The following KSR2 variants were observed in gnomAD, a reference collection of about 807,000 sequenced individuals.
KSR2 encodes the protein kinase suppressor of ras 2.
Under a neutral mutation model 107.8 loss-of-function variants are expected in KSR2, and 25 were observed. The observed-to-expected ratio is 0.23, with a 90% confidence interval of 0.17 to 0.32. The LOEUF (loss-of-function observed/expected upper bound fraction) is 0.32. Among genes scored for constraint, KSR2 ranks in the 10% least tolerant of loss-of-function variants. The pLI is 1.00. For synonymous variants in KSR2, 480 were observed against 507.0 expected, an observed-to-expected ratio of 0.95 and a Z score of 0.71; for missense variants, 887 against 1,268.9, an observed-to-expected ratio of 0.70 and a Z score of 4.57.
chr12:117,937,681 A>G (rs7973260), intron 1 of KSR2, among the ~76,000 whole-genome samples: 124,877 of 151,578 alleles, frequency 0.82, 51,533 homozygotes, highest in African/African-American at 0.87. Context: ...AGCCTGAGCC[A>G]GGCACAGTGG....
At chr12:117,622,509 GT>G (rs913129988) in intron 5 of KSR2, among the ~76,000 whole-genome samples, 19 of 149,578 alleles carry the variant, frequency 1.3e-4, no homozygotes, top group South Asian at 6.3e-4. Flanking sequence ...AGTTATCAAG[GT>G]TTTTTTTTTC....
At chr12:117,625,812 G>C (rs191266327) in intron 5 of KSR2, among the ~76,000 whole-genome samples, 7 of 152,270 alleles carry the variant, frequency 4.6e-5, no homozygotes, top group African/African-American at 1.7e-4. Flanking sequence ...AGCAGAATTT[G>C]GCTGTGAATC....
intron 10 of KSR2, among the ~76,000 whole-genome samples, chr12:117,539,017 G>C (rs1474003306): frequency 6.6e-6 from 1 of 152,184 alleles, no homozygotes; most frequent in African/African-American, 2.4e-5. Flanking sequence ...TGACAAAGGA[G>C]GTCAGGAAAC....
At chr12:117,534,527 T>C (rs1245698420) in intron 10 of KSR2, among the ~76,000 whole-genome samples, 3 of 152,156 alleles carry the variant, frequency 2.0e-5, no homozygotes, top group Non-Finnish European at 1.5e-5. Context: ...TCTATAATCC[T>C]ATTTTCATGC....
At position 117,484,413 on chromosome 12, in the gene KSR2, C is replaced by T. The variant is rs778352742; in HGVS notation, c.2450+3G>A. On this transcript the variant is annotated splice_donor_region_variant and intron_variant, in intron 16 of 19. Coordinates refer to ENST00000339824, the MANE Select transcript of KSR2 (RefSeq NM_173598.6). ...CTCTCCGGGTCTTCCCACTGCCTCT[C>T]ACCTGCCAGCCTGCAGCACCCCAGA... The T allele has an allele frequency of 1.2e-6, 2 of 1,613,850 alleles. No individual in the cohort carries two copies. The highest frequency in any genetic ancestry group is 8.5e-7 in the Non-Finnish European group (1 of 1,179,804).
chr12:117,924,572 C>CAAAAAAAAAAAAAAAAAAAAAAAA (rs58789868), intron 1 of KSR2, among the ~76,000 whole-genome samples: 24 of 39,494 alleles, frequency 6.1e-4, no homozygotes, highest in Non-Finnish European at 1.0e-3. Flanking sequence ...AGCTCCATCT[C>CAAAAAAAAAAAAAAAAAAAAAAAA]AAAAAAAAAA....
At chr12:117,873,503 C>T (rs1244891392) in intron 1 of KSR2, among the ~76,000 whole-genome samples, 1 of 141,108 alleles carries the variant, frequency 7.1e-6, no homozygotes, top group Non-Finnish European at 1.5e-5. Flanking sequence ...CTCTGTTGCC[C>T]AGGATGGAGT....
chr12:117,543,929 G>A (rs2137297504), intron 9 of KSR2, among the ~76,000 whole-genome samples: 1 of 152,238 alleles, frequency 6.6e-6, no homozygotes, highest in South Asian at 2.1e-4. Context: ...CTCTGCCTCT[G>A]TTGTCACATG....
At chr12:117,844,743 C>G (rs1892634713) in intron 3 of KSR2, among the ~76,000 whole-genome samples, 1 of 152,324 alleles carries the variant, frequency 6.6e-6, no homozygotes, top group African/African-American at 2.4e-5. Flanking sequence ...AGTATCTACC[C>G]CCTAAGCCTT....
At chr12:117,498,197 T>A (rs1297925705) in intron 14 of KSR2, among the ~76,000 whole-genome samples, 1 of 152,190 alleles carries the variant, frequency 6.6e-6, no homozygotes, top group Non-Finnish European at 1.5e-5. Flanking sequence ...AAAAGATGAC[T>A]TAGCAGAGCA....
At chr12:117,612,402 C>CAAA (rs11436103) in intron 5 of KSR2, among the ~76,000 whole-genome samples, 1 of 123,834 alleles carries the variant, frequency 8.1e-6, no homozygotes. Context: ...GTCTCCGTCT[C>CAAA]AAAAACAAAA....
intron 1 of KSR2, among the ~76,000 whole-genome samples, chr12:117,964,507 C>G (rs1382385378): frequency 1.3e-5 from 2 of 152,184 alleles, no homozygotes; most frequent in African/African-American, 4.8e-5. Context: ...TAGGGTTCTA[C>G]AGAACATACT....
chr12:117,781,449 G>T (rs112176610), intron 3 of KSR2, among the ~76,000 whole-genome samples: 1 of 152,162 alleles, frequency 6.6e-6, no homozygotes, highest in Non-Finnish European at 1.5e-5. Flanking sequence ...GAGTGCAGAT[G>T]ATGGGGAGAG....
At chr12:117,862,728 C>CTTTTTT in intron 1 of KSR2, among the ~76,000 whole-genome samples, 1 of 135,576 alleles carries the variant, frequency 7.4e-6, no homozygotes, top group Non-Finnish European at 1.6e-5. Context: ...CATTCCCCCC[C>CTTTTTT]TTTTTTTTTT....
chr12:117,775,264 T>C (rs1381243651), intron 3 of KSR2, among the ~76,000 whole-genome samples: 3 of 152,196 alleles, frequency 2.0e-5, no homozygotes, highest in Non-Finnish European at 4.4e-5. Flanking sequence ...TCATTTTACA[T>C]TCCCACCCAG....
At chr12:117,484,789 G>T (rs1872367509) in intron 15 of KSR2, among the ~76,000 whole-genome samples, 1 of 152,154 alleles carries the variant, frequency 6.6e-6, no homozygotes, top group Admixed American at 6.5e-5. Flanking sequence ...CCACAGAAAG[G>T]CCAGCCCCAT....
rs184612005 is a variant in KSR2, at chr12:117,746,250, C to T, written c.986+14761G>A. Among the ~76,000 whole-genome samples, 74 of 152,152 alleles carry T rather than the reference C, an allele frequency of 4.9e-4. No homozygotes were observed. The East Asian group carries it at 7.3e-3, about 15-fold the overall frequency. On this transcript the variant is annotated intron_variant, in intron 4 of 19. Transcript: ENST00000339824. ...AAAACAGATATATAGACCAATGAAA[C>T]GGAACAGAGACCTCAGAAATAATAC...
At chr12:117,621,126 C>G (rs971003326) in intron 5 of KSR2, among the ~76,000 whole-genome samples, 1 of 152,126 alleles carries the variant, frequency 6.6e-6, no homozygotes, top group African/African-American at 2.4e-5. Flanking sequence ...TTCCTCCATA[C>G]TGTTCATGAT....
intron 14 of KSR2, among the ~76,000 whole-genome samples, chr12:117,496,843 C>A (rs1219775485): frequency 3.3e-5 from 5 of 151,708 alleles, no homozygotes; most frequent in African/African-American, 1.2e-4. Flanking sequence ...AATACTAGCA[C>A]TGAACAGAGA....
Sources: gnomAD v4.1 joint callset for allele counts (sites outside exome capture counted in the v4.1 genomes callset) on GRCh38, gnomAD v4.1.1 for gene constraint, MANE v1.5 for transcripts, NCBI Gene and HGNC (gene_info 2026-07-23, HGNC 2026-07-21) for gene names.